Variants in CASD1 observed in about 807,000 individuals in gnomAD.
The protein encoded by CASD1 is CAS1 domain sialic acid O acetyltransferase 1.
In CASD1, 41 loss-of-function variants were observed where a neutral mutation model predicts 100.0. That is an observed-to-expected ratio of 0.41 (90% CI 0.32 to 0.53). CASD1 has a LOEUF of 0.53. Ranked by LOEUF, CASD1 falls within the 20% of genes least tolerant of loss-of-function variation. The pLI, the probability that CASD1 is intolerant of heterozygous loss-of-function variation, is 0.25. For synonymous variants in CASD1, 321 were observed against 315.6 expected (o/e 1.02, Z -0.18); for missense variants, 774 against 948.7 (o/e 0.82, Z 2.42).
chr7:94,597,411 A>T, the CASD1 span: 1 of 152,280 alleles, frequency 6.6e-6, no homozygotes, highest in South Asian at 2.1e-4. Flanking sequence ...ATTAATTATT[A>T]TTTAATCTTC....
At chr7:94,600,882 CA>C in the CASD1 span, 2 of 1,552,646 alleles carry the variant, frequency 1.3e-6, no homozygotes, top group Non-Finnish European at 1.8e-6. Flanking sequence ...GACAATTACA[CA>C]ACAAATTAAT....
At chr7:94,529,830 G>T (rs1482951404) in intron 5 of CASD1, among the ~76,000 whole-genome samples, 1 of 152,170 alleles carries the variant, frequency 6.6e-6, no homozygotes, top group Non-Finnish European at 1.5e-5. Flanking sequence ...GAGAGTGTTG[G>T]TAGTTATCTG....
the CASD1 span, chr7:94,599,715 C>T: frequency 6.2e-7 from 1 of 1,608,060 alleles, no homozygotes; most frequent in South Asian, 1.1e-5. Context: ...TTGCATGTTT[C>T]TCTTTTCCCT....
chr7:94,601,339 C>T, the CASD1 span, among the ~76,000 whole-genome samples: 5 of 148,882 alleles, frequency 3.4e-5, no homozygotes, highest in South Asian at 2.1e-4. Context: ...CCAAACGTGT[C>T]GTCCTTGATC....
chr7:94,578,069 C>T, the CASD1 span, among the ~76,000 whole-genome samples: 1 of 152,130 alleles, frequency 6.6e-6, no homozygotes, highest in African/African-American at 2.4e-5. Context: ...CAAGATTCTA[C>T]TGTTTTTCCT....
chr7:94,611,957 T>C, the CASD1 span, among the ~76,000 whole-genome samples: 5 of 152,200 alleles, frequency 3.3e-5, no homozygotes, highest in African/African-American at 1.2e-4. Context: ...TGAGAAACCA[T>C]TGGTATTTAG....
At chr7:94,564,439 C>T in the CASD1 span, among the ~76,000 whole-genome samples, 6 of 152,266 alleles carry the variant, frequency 3.9e-5, no homozygotes, top group South Asian at 8.3e-4. Flanking sequence ...TGTAATTTAC[C>T]GTCTTTGGCA....
intron 8 of CASD1, 56 bp from the exon 9 acceptor site, chr7:94,537,416 T>C (rs1795173754): frequency 1.3e-6 from 2 of 1,484,370 alleles, no homozygotes; most frequent in Non-Finnish European, 1.8e-6. Flanking sequence ...GGAGAAAATT[T>C]AATGTGAAAT....
intron 5 of CASD1, 147 bp from the exon 6 acceptor site, chr7:94,533,058 A>G (rs1364341196): frequency 6.2e-6 from 3 of 483,030 alleles, no homozygotes; most frequent in African/African-American, 3.9e-5. Flanking sequence ...TATAACAATA[A>G]TAAGCAATAA....
the CASD1 span, chr7:94,588,785 CAGAG>C: frequency 1.2e-5 from 19 of 1,610,230 alleles, no homozygotes; most frequent in Admixed American, 3.3e-5. Flanking sequence ...CACTTGTAAA[CAGAG>C]AGCAGACATA....
At chr7:94,625,026 G>A in the CASD1 span, 1 of 151,998 alleles carries the variant, frequency 6.6e-6, no homozygotes, top group Non-Finnish European at 1.5e-5. Flanking sequence ...ACATTTAACT[G>A]CTGTAATATC....
the CASD1 span, chr7:94,629,758 C>G: frequency 1.9e-6 from 3 of 1,611,204 alleles, no homozygotes; most frequent in African/African-American, 4.0e-5. Flanking sequence ...TTAAAATATT[C>G]TCTTTCCAAA....
intron 10 of CASD1, among the ~76,000 whole-genome samples, chr7:94,541,268 T>C (rs1344248222): frequency 6.6e-6 from 1 of 152,004 alleles, no homozygotes; most frequent in African/African-American, 2.4e-5. Context: ...CTAAAAACTT[T>C]TAACTGTCAT....
At position 94,542,024 on chromosome 7, in the gene CASD1, A is replaced by G. The variant is rs545050350; in HGVS notation, c.1357-2387A>G. On this transcript the variant is annotated intron_variant, in intron 10 of 17. Coordinates refer to ENST00000297273, the MANE Select transcript of CASD1 (RefSeq NM_022900.5). ...TACATGAAAGTTGCAATAGGCCAAC[A>G]TTGGCAGGAACTTGGAAAATTGTTG... 7.2e-5 allele frequency among the ~76,000 whole-genome samples: 11 copies of G among 152,324 alleles called. No homozygotes were observed. In the South Asian group the frequency reaches 2.3e-3, roughly 32 times the overall value.
intron 10 of CASD1, among the ~76,000 whole-genome samples, chr7:94,539,995 T>C (rs964085619): frequency 6.6e-6 from 1 of 152,148 alleles, no homozygotes; most frequent in African/African-American, 2.4e-5. Flanking sequence ...TAGTACCTTT[T>C]GTACCTGGAA....
At chr7:94,625,277 C>T in the CASD1 span, 1 of 151,852 alleles carries the variant, frequency 6.6e-6, no homozygotes, top group Admixed American at 6.6e-5. Flanking sequence ...TTTTAAAATA[C>T]TATACCTGTT....
At position 94,518,287 on chromosome 7, in the gene CASD1, A is replaced by G. The variant is rs780065715; in HGVS notation, c.315A>G (p.Lys105=). ...RIRQLFYSFV[K]IINPQFKEEG... is the part of the protein sequence containing the mutation. ...GTCAATTGTTTTATTCTTTTGTAAA[A>G]ATAATTAATCCCCAATTCAAAGAAG... Residue 105 remains lysine (K), a synonymous_variant, in exon 3 of 18, where the codon AAA becomes AAG. Transcript: ENST00000297273. The G allele has an allele frequency of 1.9e-6, 3 of 1,579,828 alleles. No individual in the cohort carries two copies. In the South Asian group the frequency reaches 3.5e-5, roughly 19 times the overall value.
At chr7:94,632,841 T>C in the CASD1 span, among the ~76,000 whole-genome samples, 1 of 152,064 alleles carries the variant, frequency 6.6e-6, no homozygotes, top group East Asian at 1.9e-4. Context: ...CTATAGGTTC[T>C]TGTTCTAAAC....
the CASD1 span, among the ~76,000 whole-genome samples, chr7:94,631,667 A>G: frequency 6.6e-6 from 1 of 151,884 alleles, no homozygotes; most frequent in Non-Finnish European, 1.5e-5. Context: ...CGGGGAAGGG[A>G]ATTAAGTCAG....
Sources: gnomAD v4.1 joint callset for allele counts (sites outside exome capture counted in the v4.1 genomes callset) on GRCh38, gnomAD v4.1.1 for gene constraint, MANE v1.5 for transcripts, NCBI Gene and HGNC (gene_info 2026-07-23, HGNC 2026-07-21) for gene names.